Variants in FOXN3 observed in about 807,000 individuals in gnomAD.
FOXN3 encodes the protein forkhead box protein N3.
In FOXN3, 7 loss-of-function variants were observed where a neutral mutation model predicts 38.4. The observed-to-expected ratio is 0.18, with a 90% CI of 0.10 to 0.34. The LOEUF is 0.34. Among genes scored for constraint, FOXN3 ranks in the 10% least tolerant of loss-of-function variants. FOXN3 has a pLI of 1.00. For missense variants in FOXN3, 456 were observed against 613.4 expected (o/e 0.74, Z 2.71); for synonymous variants, 230 against 242.2 (o/e 0.95, Z 0.47).
At chr14:89,388,549 G>A (rs546829435) in intron 2 of FOXN3, among the ~76,000 whole-genome samples, 6 of 152,218 alleles carry the variant, frequency 3.9e-5, no homozygotes, top group South Asian at 2.1e-4. Flanking sequence ...TGCACACAGC[G>A]CTGTCCCAAG....
At chr14:89,598,964 C>CA (rs1228827001) in intron 1 of FOXN3, among the ~76,000 whole-genome samples, 7 of 152,232 alleles carry the variant, frequency 4.6e-5, no homozygotes, top group Non-Finnish European at 8.8e-5. Context: ...AGAACTATCT[C>CA]AGCTATTTTT....
chr14:89,234,651 C>T (rs1433086605), intron 4 of FOXN3, among the ~76,000 whole-genome samples: 1 of 151,534 alleles, frequency 6.6e-6, no homozygotes, highest in Non-Finnish European at 1.5e-5. Context: ...GCCCCCCTCC[C>T]TCCCCCACTC....
At chr14:89,538,957 C>T (rs1364820790) in intron 1 of FOXN3, among the ~76,000 whole-genome samples, 1 of 152,082 alleles carries the variant, frequency 6.6e-6, no homozygotes, top group Non-Finnish European at 1.5e-5. Flanking sequence ...GATTCTCCTG[C>T]CTCAGCCTCC....
intron 4 of FOXN3, among the ~76,000 whole-genome samples, chr14:89,267,776 G>A (rs2139900121): frequency 6.6e-6 from 1 of 152,296 alleles, no homozygotes; most frequent in African/African-American, 2.4e-5. Context: ...GAGAAAATGT[G>A]TTCCATTTCC....
At chr14:89,273,344 G>A (rs1004375676) in intron 4 of FOXN3, among the ~76,000 whole-genome samples, 1 of 152,162 alleles carries the variant, frequency 6.6e-6, no homozygotes, top group Non-Finnish European at 1.5e-5. Flanking sequence ...CTTAATAAAG[G>A]CCCTCGATTT....
chr14:89,375,682 G>A (rs186000672), intron 2 of FOXN3, among the ~76,000 whole-genome samples: 1 of 152,314 alleles, frequency 6.6e-6, no homozygotes, highest in African/African-American at 2.4e-5. Context: ...CATTAAATGT[G>A]AATTGGCAAT....
At chr14:89,170,267 G>A (rs1887353984) in intron 5 of FOXN3, among the ~76,000 whole-genome samples, 1 of 152,168 alleles carries the variant, frequency 6.6e-6, no homozygotes, top group Non-Finnish European at 1.5e-5. Flanking sequence ...ACATTGGAAT[G>A]GGAGATTTTA....
At chr14:89,341,593 T>C (rs1267979252) in intron 3 of FOXN3, among the ~76,000 whole-genome samples, 2 of 152,258 alleles carry the variant, frequency 1.3e-5, no homozygotes, top group African/African-American at 4.8e-5. Flanking sequence ...GACCAGAACT[T>C]GGAGAAGACA....
At chr14:89,575,255 G>C (rs924203165) in intron 1 of FOXN3, among the ~76,000 whole-genome samples, 8 of 152,196 alleles carry the variant, frequency 5.3e-5, no homozygotes, top group African/African-American at 1.9e-4. Context: ...ATCACTCTAA[G>C]ATGACCTTGA....
Position 89,280,842 on chromosome 14 carries a change from C to T in FOXN3, c.745+108G>A, listed in dbSNP as rs1263667606. The T allele has an allele frequency of 5.8e-6, 5 of 867,132 alleles. No individual in the cohort carries two copies. In the African/African-American group the frequency reaches 6.8e-5, roughly 12 times the overall value. The allele number at this position is 867,132 out of a possible 1,614,324, so 53.7% of individuals were successfully genotyped here. A position where few individuals can be genotyped will look rare whatever the true frequency, so the allele number is the denominator to read the frequency against. ...CAGTCACACTTCTCCAGAAAGCGGC[C>T]ACTCCTAAACGGGACAGAACTGTCC... On this transcript the variant is annotated intron_variant, in intron 4 of 5. Transcript: ENST00000557258.
intron 2 of FOXN3, among the ~76,000 whole-genome samples, chr14:89,393,757 G>A (rs1891023342): frequency 6.6e-6 from 1 of 152,206 alleles, no homozygotes; most frequent in African/African-American, 2.4e-5. Context: ...GAGATGGCAG[G>A]CTTGTCCAGA....
chr14:89,391,101 C>T (rs1890932924), intron 2 of FOXN3, among the ~76,000 whole-genome samples: 1 of 152,190 alleles, frequency 6.6e-6, no homozygotes, highest in Non-Finnish European at 1.5e-5. Flanking sequence ...AGGCCAATTA[C>T]AGAGGGTGAA....
intron 1 of FOXN3, among the ~76,000 whole-genome samples, chr14:89,514,924 CT>C (rs540052278): frequency 7.9e-4 from 114 of 145,030 alleles, no homozygotes; most frequent in Admixed American, 9.0e-4. Flanking sequence ...GCTCCATTTC[CT>C]TTTTTTTTTT....
chr14:89,565,842 C>T (rs1391390208), intron 1 of FOXN3, among the ~76,000 whole-genome samples: 2 of 152,210 alleles, frequency 1.3e-5, no homozygotes, highest in Non-Finnish European at 2.9e-5. Context: ...AGCAACTTAA[C>T]ACAAAGAGAT....
chr14:89,521,378 G>A (rs1301581386), intron 1 of FOXN3, among the ~76,000 whole-genome samples: 1 of 151,798 alleles, frequency 6.6e-6, no homozygotes, highest in East Asian at 1.9e-4. Flanking sequence ...GAGAGAGAGA[G>A]AGAGAGACAG....
chr14:89,389,991 G>A (rs535628501), intron 2 of FOXN3, among the ~76,000 whole-genome samples: 2 of 152,130 alleles, frequency 1.3e-5, no homozygotes, highest in Admixed American at 6.5e-5. Flanking sequence ...AGGCCGAGGT[G>A]GGCAGATCAC....
chr14:89,464,858 C>A (rs780904632), intron 1 of FOXN3, among the ~76,000 whole-genome samples: 1 of 152,138 alleles, frequency 6.6e-6, no homozygotes, highest in Middle Eastern at 3.4e-3. Context: ...CCACCACGCC[C>A]GGCTAATTTT....
At chr14:89,372,088 T>C (rs1890335507) in intron 2 of FOXN3, among the ~76,000 whole-genome samples, 1 of 151,750 alleles carries the variant, frequency 6.6e-6, no homozygotes, top group African/African-American at 2.4e-5. Flanking sequence ...ACTGACAAAA[T>C]AAAAAACGGA....
At chr14:89,242,813 T>C (rs886195635) in intron 4 of FOXN3, among the ~76,000 whole-genome samples, 1 of 152,180 alleles carries the variant, frequency 6.6e-6, no homozygotes, top group Non-Finnish European at 1.5e-5. Flanking sequence ...ATCAAGGCTA[T>C]GCAGAAAAAT....
Sources: gnomAD v4.1 joint callset for allele counts (sites outside exome capture counted in the v4.1 genomes callset) on GRCh38, gnomAD v4.1.1 for gene constraint, MANE v1.5 for transcripts, NCBI Gene and HGNC (gene_info 2026-07-23, HGNC 2026-07-21) for gene names.